Variants in MDN1 observed in about 807,000 individuals in gnomAD.
MDN1 encodes midasin.
Under a neutral mutation model 669.2 loss-of-function variants are expected in MDN1, and 266 were observed. The ratio of observed to expected loss-of-function variants is 0.40; its 90% CI spans 0.36 to 0.44. The LOEUF (loss-of-function observed/expected upper bound fraction) is 0.44. Among genes scored for constraint, MDN1 ranks in the 20% least tolerant of loss-of-function variants. The probability of loss-of-function intolerance (pLI) is 1.00; values close to 1 mark genes in which losing one functional copy is unlikely to be tolerated. For synonymous variants in MDN1, 2,385 were observed against 2,457.1 expected (o/e 0.97, Z 0.87); for missense variants, 5,940 against 6,754.0 (o/e 0.88, Z 4.22).
Position 89,749,689 on chromosome 6 carries a change from G to A in MDN1, c.3469C>T (p.Pro1157Ser), listed in dbSNP as rs916009686. The change falls in exon 25 of 102, where the codon CCT becomes TCT. Residue 1157 changes from proline to serine, a missense_variant. This residue lies in a region of MDN1 where 2,292 missense variants were observed against 2,638.3 expected (regional missense o/e 0.87). Coordinates refer to ENST00000369393, the MANE Select transcript of MDN1 (RefSeq NM_014611.3). ...TTCAGCGCCTCTAACACATCAGTAG[G>A]GGCCAAATTTAATTCATCTAAAATA... ...WIILDELNLAPTDVLEALNRL... is the reference protein window; with the variant it reads ...WIILDELNLASTDVLEALNRL... 1.2e-6 allele frequency: 2 copies of A among 1,613,796 alleles called. No homozygotes were observed. The highest frequency in any genetic ancestry group is 1.7e-6 in the Non-Finnish European group (2 of 1,179,824).
chr6:89,818,880 T>C (rs1161227178), intron 1 of MDN1, among the ~76,000 whole-genome samples: 2 of 152,102 alleles, frequency 1.3e-5, no homozygotes, highest in African/African-American at 4.8e-5. Context: ...CCCGAAGACC[T>C]ATTTCCCAGA....
intron 52 of MDN1, among the ~76,000 whole-genome samples, chr6:89,707,124 T>C (rs1323865030): frequency 1.3e-5 from 2 of 152,192 alleles, no homozygotes; most frequent in African/African-American, 2.4e-5. Context: ...CACAGGTGGC[T>C]ACAAAAAGTA....
At chr6:89,766,543 C>G (rs1375272486) in intron 15 of MDN1, among the ~76,000 whole-genome samples, 2 of 152,212 alleles carry the variant, frequency 1.3e-5, no homozygotes, top group East Asian at 1.9e-4. Context: ...TTCAAACCGT[C>G]TTCTGCAGAA....
Position 89,692,477 on chromosome 6 carries a change from T to C in MDN1, c.10553A>G (p.Gln3518Arg). Residue 3518 changes from glutamine (Q) to arginine (R), a missense_variant, in exon 63 of 102, where the codon CAG becomes CGG. Coordinates refer to ENST00000369393, the MANE Select transcript of MDN1 (RefSeq NM_014611.3). ...SHVLCKGELD[Q>R]RALQLFRHVC... ...ATGTCTGAAGAGCTGCAGGGCCCTC[T>C]GGTCCAACTCTCCCTTGCATAACAC... 1.9e-6 allele frequency: 3 copies of C among 1,613,956 alleles called. No homozygotes were observed. Among genetic ancestry groups the C allele is most frequent in the Non-Finnish European group, 2.5e-6 (3 of 1,179,890 alleles).
Position 89,688,659 on chromosome 6 carries a change from G to C in MDN1, c.11173C>G (p.Arg3725Gly). 1.9e-6 allele frequency: 3 copies of C among 1,614,108 alleles called. No homozygotes were observed. Among genetic ancestry groups the C allele is most frequent in the Non-Finnish European group, 1.7e-6 (2 of 1,180,014 alleles). The part of the protein sequence containing the change: ...FYQHPNVPEA[R>G]QCQPVLQGFS... ...CCTTGAAGCACAGGTTGACACTGCC[G>C]TGCTTCTGGAACATTGGGATGCTGG... Residue 3725 changes from arginine to glycine, a missense_variant, in exon 66 of 102, where the codon CGG becomes GGG. Physicochemically the swap from Arg to Gly is moderately radical, Grantham distance 125. Around this residue, in one of 5 missense-constraint regions of MDN1, gnomAD observed 2,280 missense variants for 2,576.3 expected, o/e 0.88. Coordinates refer to ENST00000369393, the MANE Select transcript of MDN1 (RefSeq NM_014611.3).
chr6:89,687,689 C>T (rs1424450241), intron 67 of MDN1, among the ~76,000 whole-genome samples: 2 of 152,208 alleles, frequency 1.3e-5, no homozygotes, highest in African/African-American at 2.4e-5. Flanking sequence ...TGAATTCGTG[C>T]TCTTTGCTAT....
At chr6:89,783,883 G>A (rs1030755503) in intron 9 of MDN1, among the ~76,000 whole-genome samples, 9 of 151,876 alleles carry the variant, frequency 5.9e-5, no homozygotes, top group African/African-American at 2.2e-4. Flanking sequence ...TCGGGAGGCT[G>A]AGGCAGGAGA....
chr6:89,796,321 T>C (rs1168107695), intron 2 of MDN1, among the ~76,000 whole-genome samples: 2 of 24,622 alleles, frequency 8.1e-5, no homozygotes, highest in Non-Finnish European at 1.2e-4. Context: ...CAAAACTCTG[T>C]CTCAAAAAAA....
At position 89,807,329 on chromosome 6, in the gene MDN1, CACCT is replaced by C; in HGVS notation, c.103-3779_103-3776del. Reference sequence around the variant, plus strand: ...CTCGAACTCCTGGGCTCAAGAGATCCACCTACCTAAGCCCCCAAAGTGCTGGGAT... The same window carrying C: ...CTCGAACTCCTGGGCTCAAGAGATCCACCTAAGCCCCCAAAGTGCTGGGAT... On this transcript the variant is annotated intron_variant, in intron 1 of 101. Transcript: ENST00000369393. 1.3e-5 allele frequency among the ~76,000 whole-genome samples: 2 copies of C among 152,238 alleles called. 1 individual carries two copies. The highest frequency in any genetic ancestry group is 1.3e-4 in the Admixed American group (2 of 15,278).
intron 80 of MDN1, 74 bp from the exon 81 acceptor site, chr6:89,672,776 T>A (rs1810904892): frequency 6.8e-7 from 1 of 1,474,218 alleles, no homozygotes; most frequent in African/African-American, 1.4e-5. Flanking sequence ...CCTCTGGAAA[T>A]CATTAAAAAT....
chr6:89,754,095 G>A lies in MDN1; in HGVS notation c.2952C>T (p.Arg984=). Residue 984 remains arginine (R), a synonymous_variant, in exon 21 of 102, where the codon CGC becomes CGT. Transcript: ENST00000369393. ...ACTTCAGAAAGACCTCATAGAGTGA[G>A]CGCTGAATGTTGCCACATGGATTGG... The part of the protein sequence containing the change: ...AASNPCGNIQ[R]SLYEGFCLGF... The A allele has an allele frequency of 6.2e-7, 1 of 1,613,966 alleles. No homozygotes were observed. Among genetic ancestry groups the A allele is most frequent in the Non-Finnish European group, 8.5e-7 (1 of 1,179,964 alleles).
chr6:89,787,998 A>G, intron 7 of MDN1, 41 bp from the exon 8 acceptor site: 1 of 1,493,172 alleles, frequency 6.7e-7, no homozygotes, highest in Non-Finnish European at 9.3e-7. Flanking sequence ...AAGTAAAGCT[A>G]TTAAGACAGA....
At chr6:89,763,349 A>C (rs4707564) in intron 15 of MDN1, among the ~76,000 whole-genome samples, 92,548 of 139,152 alleles carry the variant, frequency 0.67, 30,872 homozygotes, top group East Asian at 0.86. Flanking sequence ...AAAAAAAAAA[A>C]AAAAAAAATC....
At chr6:89,653,930 GA>G (rs1309689100) in intron 93 of MDN1, among the ~76,000 whole-genome samples, 1 of 152,144 alleles carries the variant, frequency 6.6e-6, no homozygotes, top group Non-Finnish European at 1.5e-5. Flanking sequence ...GATTTTGCCA[GA>G]AATTCAAGTT....
At position 89,662,918 on chromosome 6, in the gene MDN1, G is replaced by T; in HGVS notation, c.14286C>A (p.His4762Gln). The T allele has an allele frequency of 6.2e-7, 1 of 1,614,070 alleles. No individual in the cohort carries two copies. ...SDSEGGDLDK[H>Q]MGDLNGEEAD... ...CTTCCTCACCATTGAGATCGCCCAT[G>T]TGTTTATCCAGGTCTCCGCCCTCAC... Residue 4762 changes from histidine (H) to glutamine (Q), a missense_variant, in exon 86 of 102, where the codon CAC (histidine) becomes CAA (glutamine). This residue lies in a region of MDN1 where 2,280 missense variants were observed against 2,576.3 expected (regional missense o/e 0.88). Coordinates refer to ENST00000369393, the MANE Select transcript of MDN1 (RefSeq NM_014611.3).
rs776026297 is a variant in MDN1, at chr6:89,794,825, A to T, written c.330-24T>A. The T allele has an allele frequency of 1.0e-5, 16 of 1,589,338 alleles. No individual in the cohort carries two copies. In the Admixed American group the frequency reaches 2.7e-4, roughly 27 times the overall value. On this transcript the variant is annotated intron_variant, in intron 2 of 101. Coordinates refer to ENST00000369393, the MANE Select transcript of MDN1 (RefSeq NM_014611.3). ...ACCTTCAAACACAAAGAATACAGAC[A>T]TCCCCAACTTAACAATGGTTGGACT...
intron 2 of MDN1, among the ~76,000 whole-genome samples, chr6:89,802,636 CAG>C (rs1329538242): frequency 6.6e-6 from 1 of 151,796 alleles, no homozygotes; most frequent in Non-Finnish European, 1.5e-5. Context: ...TTGCAGTGAG[CAG>C]AGGTCATGCC....
At chr6:89,718,032 A>G (rs745541033) in intron 43 of MDN1, among the ~76,000 whole-genome samples, 5 of 152,222 alleles carry the variant, frequency 3.3e-5, no homozygotes, top group Admixed American at 6.5e-5. Context: ...CCTATTCTTC[A>G]GTTTAAAAAT....
rs116101899 is a variant in MDN1, at chr6:89,644,993, G to A, written c.16602+22C>T. 371 of 1,570,828 alleles carry A rather than the reference G, an allele frequency of 2.4e-4. 1 individual carries two copies. The African/African-American group carries it at 4.7e-3, about 20-fold the overall frequency. On this transcript the variant is annotated intron_variant, in intron 101 of 101. Coordinates refer to ENST00000369393, the MANE Select transcript of MDN1 (RefSeq NM_014611.3). ...AATCCCCACTTTACCTCCAGAAAAG[G>A]TGGCTTTTAGTAGTCACTCACCCGT...
Sources: gnomAD v4.1 joint callset for allele counts (sites outside exome capture counted in the v4.1 genomes callset) on GRCh38, gnomAD v4.1.1 for gene constraint, gnomAD v4.1.1 regional missense constraint, MANE v1.5 for transcripts, NCBI Gene and HGNC (gene_info 2026-07-23, HGNC 2026-07-21) for gene names.